The following HEATR4 variants were observed in gnomAD, a reference collection of about 807,000 sequenced individuals.
HEATR4 encodes the protein HEAT repeat containing 4.
Under a neutral mutation model 108.8 loss-of-function variants are expected in HEATR4, and 95 were observed. The observed-to-expected ratio is 0.87, with a 90% CI of 0.74 to 1.04. The LOEUF (loss-of-function observed/expected upper bound fraction) is 1.04. HEATR4 is among the 50% of genes least tolerant of loss of function. The pLI, the probability that HEATR4 is intolerant of heterozygous loss-of-function variation, is 0.00. For missense variants in HEATR4, 1,152 were observed against 1,253.8 expected (o/e 0.92, Z 1.23); for synonymous variants, 443 against 459.4 (o/e 0.96, Z 0.46).
the HEATR4 span, among the ~76,000 whole-genome samples, chr14:73,632,349 A>C: frequency 1.3e-5 from 2 of 152,308 alleles, no homozygotes; most frequent in African/African-American, 4.8e-5. Flanking sequence ...AGATAAAATA[A>C]AAGGTCCTCT....
the HEATR4 span, among the ~76,000 whole-genome samples, chr14:73,627,800 G>A: frequency 4.1e-5 from 6 of 144,894 alleles, no homozygotes; most frequent in African/African-American, 1.6e-4. Flanking sequence ...GGTTTACAGT[G>A]GGGCTGAAAG....
chr14:73,568,352 G>GA, the HEATR4 span, among the ~76,000 whole-genome samples: 38,025 of 145,958 alleles, frequency 0.26, 5,351 homozygotes, highest in South Asian at 0.36. Flanking sequence ...CTTAAGTGAT[G>GA]AAAAAAAAAA....
chr14:73,630,893 T>C, the HEATR4 span, among the ~76,000 whole-genome samples: 1 of 152,132 alleles, frequency 6.6e-6, no homozygotes. Context: ...GGCCTTCATT[T>C]TGGGGTATTG....
Position 73,545,127 on chromosome 14 carries a change from C to G in HEATR4, c.-152+13624G>C, listed in dbSNP as rs367571743. Among the ~76,000 whole-genome samples, 4 of 104,006 alleles carry G rather than the reference C, an allele frequency of 3.8e-5. 1 individual carries two copies. In the South Asian group the frequency reaches 1.3e-3, roughly 33 times the overall value. The allele number at this position is 104,006 out of a possible 152,430, so 68.2% of individuals were successfully genotyped here. On this transcript the variant is annotated intron_variant, in intron 1 of 17. Transcript: ENST00000553558. ...AGGCTGGAGTGCAGTGGCACAGTCACGGCTCACTGCAGCCTCAACCTCGTA... is the reference window on the plus strand; with the variant it reads ...AGGCTGGAGTGCAGTGGCACAGTCAGGGCTCACTGCAGCCTCAACCTCGTA...
intron 1 of HEATR4, among the ~76,000 whole-genome samples, chr14:73,540,290 TAAAA>T (rs1434356490): frequency 3.3e-5 from 5 of 151,450 alleles, no homozygotes; most frequent in African/African-American, 9.7e-5. Flanking sequence ...TGGATTAATT[TAAAA>T]AAAGAGCAAA....
At chr14:73,575,958 T>C in the HEATR4 span, among the ~76,000 whole-genome samples, 3 of 151,656 alleles carry the variant, frequency 2.0e-5, no homozygotes, top group Non-Finnish European at 4.4e-5. Context: ...TTGAGACCAG[T>C]CTGGCCAACG....
the HEATR4 span, among the ~76,000 whole-genome samples, chr14:73,586,777 C>A: frequency 6.6e-6 from 1 of 151,782 alleles, no homozygotes; most frequent in African/African-American, 2.4e-5. Flanking sequence ...TTGGTGTGAT[C>A]ATAGCTCAAC....
intron 13 of HEATR4, among the ~76,000 whole-genome samples, chr14:73,498,706 G>A (rs913884033): frequency 1.3e-5 from 2 of 152,210 alleles, no homozygotes; most frequent in African/African-American, 2.4e-5. Flanking sequence ...AAGGGGCAGG[G>A]TTTTAGGTCT....
At position 73,492,108 on chromosome 14, in the gene HEATR4, T is replaced by A. The variant is rs3813563; in HGVS notation, c.2844+958A>T. ...CTCTGGCGTGTATACCGACCCCGAG[T>A]CCCAACCGAGGAACTGGCTCTGACA... On this transcript the variant is annotated intron_variant, in intron 17 of 17. Transcript: ENST00000553558. The surrounding 1 kb of genome is among the most constrained non-coding windows in gnomAD (Gnocchi z 4.9). 1.4e-5 allele frequency: 22 copies of A among 1,613,470 alleles called. No individual in the cohort carries two copies. The highest frequency in any genetic ancestry group is 1.9e-5 in the Non-Finnish European group (22 of 1,179,762).
At chr14:73,576,768 C>T in the HEATR4 span, among the ~76,000 whole-genome samples, 1 of 93,492 alleles carries the variant, frequency 1.1e-5, no homozygotes, top group African/African-American at 4.3e-5. Flanking sequence ...TGTGCTCCAG[C>T]CTGGGCAACA....
the HEATR4 span, chr14:73,592,150 G>T: frequency 3.1e-6 from 5 of 1,593,854 alleles, no homozygotes; most frequent in Non-Finnish European, 4.3e-6. Flanking sequence ...GACCTGGAGC[G>T]CGCACCCGCG....
upstream of HEATR4, among the ~76,000 whole-genome samples, chr14:73,560,661 C>CAAA (rs11448429): frequency 4.5e-4 from 54 of 120,794 alleles, 1 homozygote; most frequent in Non-Finnish European, 5.3e-5. Flanking sequence ...GACTCCATCT[C>CAAA]AAAAAAAAAA....
At chr14:73,613,341 G>C in the HEATR4 span, among the ~76,000 whole-genome samples, 1 of 152,110 alleles carries the variant, frequency 6.6e-6, no homozygotes, top group Non-Finnish European at 1.5e-5. Flanking sequence ...GTGCTGAATA[G>C]TGCATTCAAC....
In HEATR4 at chr14:73,557,213, G is replaced by A. The variant is rs1889412539; in HGVS notation, c.-152+1538C>T. 1.8e-5 allele frequency among the ~76,000 whole-genome samples: 2 copies of A among 114,074 alleles called. 1 individual carries two copies. Among genetic ancestry groups the A allele is most frequent in the African/African-American group, 5.7e-5 (2 of 35,230 alleles). 74.8% of individuals were successfully genotyped at this position (114,074 alleles called of 152,430 possible). A position where few individuals can be genotyped will look rare whatever the true frequency, so the allele number is the denominator to read the frequency against. ...TAGAAGGGGAGGAATGGGGTTGGAAGGGTTAGGCCACATGCCTCTAGTTAA... is the reference window on the plus strand; with the variant it reads ...TAGAAGGGGAGGAATGGGGTTGGAAAGGTTAGGCCACATGCCTCTAGTTAA... On this transcript the variant is annotated intron_variant, in intron 1 of 17. Transcript: ENST00000553558.
At chr14:73,505,688 C>T (rs1239474775) in intron 10 of HEATR4, among the ~76,000 whole-genome samples, 1 of 151,794 alleles carries the variant, frequency 6.6e-6, no homozygotes, top group African/African-American at 2.4e-5. Flanking sequence ...CCACCGTGCC[C>T]GGCCGGGACT....
rs549217487 is a variant in HEATR4 at position 73,500,453 on chromosome 14, G to A, written c.2286+97C>T. The stretch of plus-strand genomic sequence containing the variant: ...TCCCAGTTCCAATCTCTCATTCTGT[G>A]TCCCCACAGAATGTTGAGCATACTG... On this transcript the variant is annotated intron_variant, in intron 12 of 17. Coordinates refer to ENST00000553558, the MANE Select transcript of HEATR4 (RefSeq NM_001220484.1). 7 of 1,293,664 alleles carry A rather than the reference G, an allele frequency of 5.4e-6. No individual in the cohort carries two copies. The African/African-American group carries it at 1.0e-4, about 19-fold the overall frequency. 80.1% of individuals were successfully genotyped at this position (1,293,664 alleles called of 1,614,324 possible). A position where few individuals can be genotyped will look rare whatever the true frequency, so the allele number is the denominator to read the frequency against.
the HEATR4 span, chr14:73,617,273 A>G: frequency 5.7e-6 from 9 of 1,566,086 alleles, no homozygotes; most frequent in Admixed American, 1.5e-4. Flanking sequence ...CTGCCAGAAC[A>G]CTGAGAACTA....
the HEATR4 span, chr14:73,592,138 T>G: frequency 6.3e-6 from 10 of 1,580,908 alleles, no homozygotes; most frequent in South Asian, 8.0e-5. Context: ...CGCGGCGAGC[T>G]GGACCTGGAG....
intron 17 of HEATR4, among the ~76,000 whole-genome samples, chr14:73,482,811 A>G (rs1182442325): frequency 6.6e-6 from 1 of 152,010 alleles, no homozygotes; most frequent in African/African-American, 2.4e-5. Context: ...GGCACACACC[A>G]CCATGCCCAG....
Sources: allele counts gnomAD v4.1 joint callset (sites outside exome capture counted in the v4.1 genomes callset), GRCh38; gene constraint gnomAD v4.1.1; non-coding constraint Gnocchi (gnomAD v3.1); transcripts MANE v1.5; gene names NCBI Gene and HGNC (gene_info 2026-07-23, HGNC 2026-07-21).